CADPS: variants seen among roughly 807,000 people sequenced by gnomAD.
The protein encoded by CADPS is calcium dependent secretion activator, also known as calcium-dependent secretion activator 1.
CADPS carries 57 observed loss-of-function variants against 167.3 expected under a neutral mutation model. That is an observed-to-expected ratio of 0.34 (90% confidence interval 0.28 to 0.42). The LOEUF (loss-of-function observed/expected upper bound fraction) is 0.42, where lower values mean the gene tolerates loss of function less well. Among genes scored for constraint, CADPS ranks in the 20% least tolerant of loss-of-function variants. CADPS has a pLI of 1.00. For synonymous variants in CADPS, 676 were observed against 635.3 expected, an observed-to-expected ratio of 1.06 and a Z score of -0.96; for missense variants, 1,414 against 1,738.1, an observed-to-expected ratio of 0.81 and a Z score of 3.32.
At chr3:62,577,310 T>G (rs1041854841) in intron 8 of CADPS, among the ~76,000 whole-genome samples, 1 of 152,200 alleles carries the variant, frequency 6.6e-6, no homozygotes, top group African/African-American at 2.4e-5. Flanking sequence ...AATTTTCAAG[T>G]ATACAATGTA....
Position 62,626,504 on chromosome 3 carries a change from A to T in CADPS, c.1325+19218T>A. 3 of 702,678 alleles carry T rather than the reference A, an allele frequency of 4.3e-6. No individual in the cohort carries two copies. In the South Asian group the frequency reaches 4.4e-5, roughly 10 times the overall value. The allele number at this position is 702,678 out of a possible 1,614,324, so 43.5% of individuals were successfully genotyped here. On this transcript the variant is annotated intron_variant, in intron 6 of 29. Coordinates refer to ENST00000383710, the MANE Select transcript of CADPS (RefSeq NM_003716.4). ...ATCTTGTACCCCTGGAGATGATTTG[A>T]CATGGCACAAAGACGGGACATCAAA...
At chr3:62,480,934 AC>A (rs1473471039) in intron 22 of CADPS, among the ~76,000 whole-genome samples, 2 of 152,136 alleles carry the variant, frequency 1.3e-5, no homozygotes, top group East Asian at 3.9e-4. Flanking sequence ...TGGCTTCTCA[AC>A]CCTCACTCCC....
At position 62,556,210 on chromosome 3, in the gene CADPS, C is replaced by T. The variant is rs541963121; in HGVS notation, c.1753+1195G>A. On this transcript the variant is annotated intron_variant, in intron 10 of 29. Transcript: ENST00000383710. ...GTTGCATGAAATTGTTTGTTTCAAA[C>T]TCGTTGGTTCTGCTCATGAAGGATT... is the stretch of plus-strand genomic sequence containing the variant. Among the ~76,000 whole-genome samples the T allele has an allele frequency of 2.0e-4, 30 of 152,334 alleles. No individual in the cohort carries two copies. In the South Asian group the frequency reaches 5.8e-3, roughly 29 times the overall value.
intron 28 of CADPS, among the ~76,000 whole-genome samples, chr3:62,431,185 C>T (rs1296423293): frequency 3.3e-5 from 5 of 152,076 alleles, no homozygotes; most frequent in East Asian, 3.9e-4. Flanking sequence ...AACAAAGGAC[C>T]CTTCCCAATA....
At chr3:62,808,209 T>C (rs2094204530) in intron 1 of CADPS, among the ~76,000 whole-genome samples, 1 of 150,010 alleles carries the variant, frequency 6.7e-6, no homozygotes, top group Non-Finnish European at 1.5e-5. Context: ...TGTTTCTAAA[T>C]GGAATGAAAT....
chr3:62,750,033 T>C (rs1423176397), intron 3 of CADPS, among the ~76,000 whole-genome samples: 3 of 152,150 alleles, frequency 2.0e-5, no homozygotes, highest in Non-Finnish European at 4.4e-5. Context: ...TTATGTACAT[T>C]ACCTAAGATA....
At chr3:62,431,848 A>T (rs2054031708) in intron 28 of CADPS, among the ~76,000 whole-genome samples, 2 of 151,428 alleles carry the variant, frequency 1.3e-5, no homozygotes, top group Admixed American at 1.3e-4. Context: ...CTCATTTTAG[A>T]AAAAGAGTAC....
chr3:62,870,750 C>T (rs1008402809), intron 1 of CADPS, among the ~76,000 whole-genome samples: 86 of 152,240 alleles, frequency 5.6e-4, no homozygotes, highest in African/African-American at 2.0e-3. Context: ...AAAAAATGGT[C>T]ATGTCAATCT....
At chr3:62,698,478 T>C (rs2080765173) in intron 3 of CADPS, among the ~76,000 whole-genome samples, 1 of 152,066 alleles carries the variant, frequency 6.6e-6, no homozygotes, top group Non-Finnish European at 1.5e-5. Flanking sequence ...TGCAAATACC[T>C]GCTCAGGTGC....
At chr3:62,535,123 T>C (rs547256205) in intron 12 of CADPS, among the ~76,000 whole-genome samples, 8 of 152,172 alleles carry the variant, frequency 5.3e-5, no homozygotes, top group African/African-American at 1.9e-4. Context: ...GGCACATTCT[T>C]ACAAGTTTAA....
chr3:62,699,420 C>A (rs905703588), intron 3 of CADPS, among the ~76,000 whole-genome samples: 6 of 152,028 alleles, frequency 3.9e-5, no homozygotes, highest in Non-Finnish European at 7.4e-5. Flanking sequence ...TGGGTTCTCA[C>A]CCCCAGAGAT....
At chr3:62,781,281 G>C (rs1027552027) in intron 1 of CADPS, among the ~76,000 whole-genome samples, 9 of 152,188 alleles carry the variant, frequency 5.9e-5, no homozygotes, top group African/African-American at 2.2e-4. Context: ...AGCTGAGTTG[G>C]CTGCTGCCAA....
intron 6 of CADPS, among the ~76,000 whole-genome samples, chr3:62,618,232 A>G (rs746495420): frequency 3.3e-5 from 5 of 152,116 alleles, no homozygotes; most frequent in Non-Finnish European, 5.9e-5. Context: ...ACTAAAGACC[A>G]CCCAGAGGAA....
intron 27 of CADPS, chr3:62,440,147 T>A (rs1372298525): frequency 6.6e-6 from 1 of 152,178 alleles, no homozygotes; most frequent in Non-Finnish European, 1.5e-5. Context: ...TACAAAATGG[T>A]ACCTAGCATA....
At chr3:62,811,204 A>G (rs1011385769) in intron 1 of CADPS, among the ~76,000 whole-genome samples, 1 of 152,158 alleles carries the variant, frequency 6.6e-6, no homozygotes, top group Non-Finnish European at 1.5e-5. Context: ...TTAATATTTA[A>G]CTAAGAGAGT....
chr3:62,697,470 C>T (rs1013146905), intron 3 of CADPS, among the ~76,000 whole-genome samples: 1 of 151,976 alleles, frequency 6.6e-6, no homozygotes, highest in Non-Finnish European at 1.5e-5. Flanking sequence ...AGCATTCTAT[C>T]GTATATATAC....
intron 6 of CADPS, among the ~76,000 whole-genome samples, chr3:62,644,608 T>G (rs1001776226): frequency 2.6e-5 from 4 of 152,300 alleles, no homozygotes; most frequent in Admixed American, 2.6e-4. Context: ...CTCTGGCAGC[T>G]TATCCACCCC....
intron 18 of CADPS, chr3:62,498,006 C>T: frequency 2.4e-6 from 1 of 413,876 alleles, no homozygotes; most frequent in South Asian, 1.8e-5. Context: ...AAGCAGTCCA[C>T]TGGAAGTTGC....
chr3:62,832,310 G>GT (rs1393356453), intron 1 of CADPS, among the ~76,000 whole-genome samples: 1 of 152,206 alleles, frequency 6.6e-6, no homozygotes, highest in Non-Finnish European at 1.5e-5. Context: ...TTTGAGAAGT[G>GT]TTTATGTTAA....
Sources: gnomAD v4.1 joint callset for allele counts (sites outside exome capture counted in the v4.1 genomes callset) on GRCh38, gnomAD v4.1.1 for gene constraint, MANE v1.5 for transcripts, NCBI Gene and HGNC (gene_info 2026-07-23, HGNC 2026-07-21) for gene names.